STPG2: variants seen among roughly 807,000 people sequenced by gnomAD.
The protein encoded by STPG2 is sperm-tail PG-rich repeat-containing protein 2.
STPG2 carries 56 observed loss-of-function variants against 54.2 expected under a neutral mutation model. The observed-to-expected ratio is 1.03, with a 90% CI of 0.83 to 1.29. STPG2 has a LOEUF of 1.29. Ranked by LOEUF, STPG2 falls within the 50% of genes most tolerant of loss-of-function variation. The pLI, the probability that STPG2 is intolerant of heterozygous loss-of-function variation, is 0.00. For missense variants in STPG2, 596 were observed against 544.9 expected (o/e 1.09, Z -0.93); for synonymous variants, 200 against 181.8 (o/e 1.10, Z -0.81).
chr4:97,805,052 C>T (rs1447618930), intron 9 of STPG2, among the ~76,000 whole-genome samples: 2 of 152,072 alleles, frequency 1.3e-5, no homozygotes, highest in Non-Finnish European at 2.9e-5. Context: ...CATCACCAAC[C>T]AACACATGAC....
chr4:97,834,161 T>C lies in STPG2; in HGVS notation c.1204+6612A>G, dbSNP rs113167925. On this transcript the variant is annotated intron_variant, in intron 9 of 10. Coordinates refer to ENST00000295268, the MANE Select transcript of STPG2 (RefSeq NM_174952.3). ...AAGAAAATGTGGCATATATACACCA[T>C]GGGATACTATGCAGCCATAAAAAAG... 8.8e-4 allele frequency among the ~76,000 whole-genome samples: 134 copies of C among 152,226 alleles called. 1 individual carries two copies. The highest frequency in any genetic ancestry group is 3.2e-3 in the African/African-American group (132 of 41,534).
At chr4:97,707,593 G>A (rs575287641) in intron 10 of STPG2, among the ~76,000 whole-genome samples, 1 of 152,172 alleles carries the variant, frequency 6.6e-6, no homozygotes, top group South Asian at 2.1e-4. Flanking sequence ...TTTTAGAACA[G>A]AGAAGGTATG....
intron 9 of STPG2, among the ~76,000 whole-genome samples, chr4:97,756,589 GTGC>G (rs2149049556): frequency 6.6e-6 from 1 of 152,162 alleles, no homozygotes; most frequent in South Asian, 2.1e-4. Flanking sequence ...GCCTCCCAAA[GTGC>G]TGCTATTACA....
intron 3 of STPG2, among the ~76,000 whole-genome samples, chr4:98,117,051 G>A (rs1034281586): frequency 6.6e-6 from 1 of 151,886 alleles, no homozygotes; most frequent in African/African-American, 2.4e-5. Flanking sequence ...AATTATTTAT[G>A]TGAATTTGAG....
At chr4:97,574,918 G>T (rs542783574) in intron 10 of STPG2, among the ~76,000 whole-genome samples, 9 of 151,480 alleles carry the variant, frequency 5.9e-5, no homozygotes, top group Non-Finnish European at 2.9e-5. Flanking sequence ...AAAAAAGAAG[G>T]TCCAAATAAG....
intron 5 of STPG2, among the ~76,000 whole-genome samples, chr4:98,019,193 G>C (rs1210589702): frequency 6.6e-6 from 1 of 152,138 alleles, no homozygotes; most frequent in Admixed American, 6.6e-5. Context: ...ATTAATTTTT[G>C]TATAAGGTGT....
intron 4 of STPG2, among the ~76,000 whole-genome samples, chr4:97,527,866 T>C (rs1292422604): frequency 6.6e-6 from 1 of 152,152 alleles, no homozygotes; most frequent in Non-Finnish European, 1.5e-5. Flanking sequence ...TTCTTGTAAA[T>C]TTATTTATAT....
intron 8 of STPG2, among the ~76,000 whole-genome samples, chr4:97,895,846 C>A (rs1730934703): frequency 6.6e-6 from 1 of 151,722 alleles, no homozygotes; most frequent in Non-Finnish European, 1.5e-5. Context: ...TAAAATAATT[C>A]CCTTGCCCAT....
intron 5 of STPG2, among the ~76,000 whole-genome samples, chr4:98,027,846 T>G (rs560908724): frequency 6.6e-6 from 1 of 152,326 alleles, no homozygotes; most frequent in East Asian, 1.9e-4. Flanking sequence ...GCTTCCTGCC[T>G]TTAGAATTCC....
At chr4:98,001,065 G>A (rs544444951) in intron 5 of STPG2, among the ~76,000 whole-genome samples, 95 of 152,132 alleles carry the variant, frequency 6.2e-4, no homozygotes, top group Middle Eastern at 3.4e-3. Flanking sequence ...CTTTGATTCC[G>A]TATTACATCT....
chr4:97,598,148 A>T (rs916642787), intron 10 of STPG2, among the ~76,000 whole-genome samples: 4 of 152,184 alleles, frequency 2.6e-5, no homozygotes, highest in African/African-American at 9.7e-5. Context: ...TAGCCACAAA[A>T]AGAAACAAAT....
chr4:97,678,809 T>A, intron 10 of STPG2, among the ~76,000 whole-genome samples: 1 of 135,956 alleles, frequency 7.4e-6, no homozygotes, highest in Admixed American at 8.2e-5. Flanking sequence ...CAGAGTGTGA[T>A]GTTCCCCTTC....
intron 8 of STPG2, among the ~76,000 whole-genome samples, chr4:97,888,716 G>T (rs1217765855): frequency 6.6e-6 from 1 of 152,094 alleles, no homozygotes; most frequent in African/African-American, 2.4e-5. Context: ...ATTGTACATT[G>T]CAATGTGAGA....
chr4:98,017,865 G>T (rs1736017484), intron 5 of STPG2, among the ~76,000 whole-genome samples: 1 of 152,014 alleles, frequency 6.6e-6, no homozygotes, highest in African/African-American at 2.4e-5. Flanking sequence ...AGTTTAGCCT[G>T]CATTCATTCA....
chr4:97,768,825 C>T (rs1726134904), intron 9 of STPG2, among the ~76,000 whole-genome samples: 2 of 152,028 alleles, frequency 1.3e-5, no homozygotes, highest in African/African-American at 4.8e-5. Context: ...CCTCAGCCTC[C>T]AGAGTAGCTA....
chr4:97,900,166 G>T (rs1249955698), intron 8 of STPG2, among the ~76,000 whole-genome samples: 1 of 151,898 alleles, frequency 6.6e-6, no homozygotes, highest in East Asian at 1.9e-4. Context: ...AGCATTTGGG[G>T]AAAAAATGCT....
At chr4:97,671,654 T>C (rs1320793968) in intron 10 of STPG2, among the ~76,000 whole-genome samples, 1 of 152,222 alleles carries the variant, frequency 6.6e-6, no homozygotes, top group Non-Finnish European at 1.5e-5. Context: ...ACCCTTTTAG[T>C]GTCAGATGGC....
intron 10 of STPG2, among the ~76,000 whole-genome samples, chr4:97,594,610 C>T (rs1185529624): frequency 2.6e-5 from 4 of 152,122 alleles, no homozygotes; most frequent in Non-Finnish European, 4.4e-5. Context: ...TCCAACCTCA[C>T]CGGAAAAGCC....
At chr4:97,795,637 G>C (rs983145701) in intron 9 of STPG2, among the ~76,000 whole-genome samples, 1 of 152,132 alleles carries the variant, frequency 6.6e-6, no homozygotes, top group Non-Finnish European at 1.5e-5. Context: ...CTTTGCTATT[G>C]TGAATAGTGC....
Sources: gnomAD v4.1 joint callset for allele counts (sites outside exome capture counted in the v4.1 genomes callset) on GRCh38, gnomAD v4.1.1 for gene constraint, MANE v1.5 for transcripts, NCBI Gene and HGNC (gene_info 2026-07-23, HGNC 2026-07-21) for gene names.